Variants in ABCB7 observed in about 807,000 individuals in gnomAD.
ABCB7 encodes iron-sulfur clusters transporter ABCB7, mitochondrial.
In ABCB7, 7 loss-of-function variants were observed where a neutral mutation model predicts 54.4. The observed-to-expected ratio is 0.13, with a 90% CI of 0.07 to 0.24. ABCB7 has a LOEUF of 0.24. Ranked by LOEUF, ABCB7 falls within the 10% of genes least tolerant of loss-of-function variation. The pLI is 1.00. For missense variants in ABCB7, 356 were observed against 570.4 expected, an observed-to-expected ratio of 0.62 and a Z score of 3.83; for synonymous variants, 218 against 207.1, an observed-to-expected ratio of 1.05 and a Z score of -0.45.
At chrX:75,067,743 C>T (rs941921638) in intron 12 of ABCB7, among the ~76,000 whole-genome samples, 3 of 110,854 alleles carry the variant, frequency 2.7e-5, no homozygotes, top group African/African-American at 9.9e-5. Flanking sequence ...CCTTGGCCTC[C>T]CAAAGTGCTG....
At chrX:75,090,143 T>A (rs747894129) in intron 4 of ABCB7, among the ~76,000 whole-genome samples, 58 of 109,636 alleles carry the variant, frequency 5.3e-4, no homozygotes, top group Admixed American at 1.9e-3. Flanking sequence ...AATAGATGCA[T>A]CCTCTATTAT....
chrX:75,152,629 C>A (rs2082139967), intron 1 of ABCB7, among the ~76,000 whole-genome samples: 1 of 111,330 alleles, frequency 9.0e-6, no homozygotes, highest in African/African-American at 3.3e-5. Context: ...TTAGGCATCA[C>A]TGAACTACAA....
chrX:75,080,792 T>C (rs2081449332), intron 4 of ABCB7, among the ~76,000 whole-genome samples: 1 of 112,281 alleles, frequency 8.9e-6, no homozygotes, highest in South Asian at 3.7e-4. Flanking sequence ...TGGTGAAATA[T>C]CTGTTCATGT....
At chrX:75,070,759 TTAAG>T (rs920175489) in intron 9 of ABCB7, among the ~76,000 whole-genome samples, 1 of 110,878 alleles carries the variant, frequency 9.0e-6, no homozygotes, top group African/African-American at 3.3e-5. Flanking sequence ...AAAGAATGGT[TTAAG>T]TGAGGATAGA....
At chrX:75,076,686 T>G in intron 4 of ABCB7, 32 bp from the exon 5 acceptor site, 2 of 1,169,943 alleles carry the variant, frequency 1.7e-6, no homozygotes, top group South Asian at 1.8e-5. Context: ...TTACCCATTA[T>G]ACACAAAATA....
At chrX:75,122,449 G>T (rs1379891056) in intron 1 of ABCB7, among the ~76,000 whole-genome samples, 2 of 112,345 alleles carry the variant, frequency 1.8e-5, no homozygotes, top group Non-Finnish European at 3.8e-5. Flanking sequence ...CCCCGCCTAT[G>T]GAATAGCCAT....
intron 15 of ABCB7, among the ~76,000 whole-genome samples, chrX:75,056,547 A>C (rs1191712237): frequency 9.0e-6 from 1 of 111,682 alleles, no homozygotes; most frequent in African/African-American, 3.3e-5. Context: ...GGAATCAACT[A>C]CTTCTCCAAA....
At chrX:75,085,585 A>G (rs1220101152) in intron 4 of ABCB7, among the ~76,000 whole-genome samples, 2 of 111,164 alleles carry the variant, frequency 1.8e-5, no homozygotes, top group Admixed American at 9.6e-5. Flanking sequence ...AGTGCACTCC[A>G]TTGAATGTAC....
In ABCB7 at chrX:75,156,198, C is replaced by T. The variant is rs1193660319; in HGVS notation, c.75G>A (p.Ala25=). ...CAGAGACTAAAGGCCGGATCAGAATCGCGGAGTGCCGGCGCTTTTCGAAAG... is the reference window on the plus strand; with the variant it reads ...CAGAGACTAAAGGCCGGATCAGAATTGCGGAGTGCCGGCGCTTTTCGAAAG... ...AAAFEKRRHS[A]ILIRPLVSVS... The change falls in exon 1 of 16, where the codon GCG becomes GCA. Residue 25 remains alanine (A), a synonymous_variant. Transcript: ENST00000373394. 1.7e-6 allele frequency: 2 copies of T among 1,203,298 alleles called. No homozygotes were observed. The highest frequency in any genetic ancestry group is 2.2e-6 in the Non-Finnish European group (2 of 891,883).
intron 4 of ABCB7, among the ~76,000 whole-genome samples, chrX:75,077,490 T>C (rs1436844802): frequency 1.8e-5 from 2 of 112,494 alleles, no homozygotes; most frequent in Non-Finnish European, 3.8e-5. Flanking sequence ...AGAAAGTTTG[T>C]CAGACTCCCA....
Position 75,061,864 on chromosome X carries a change from G to A in ABCB7, c.1935+464C>T, listed in dbSNP as rs759708227. Reference sequence around the variant, plus strand: ...AATACAAATTGATACCAGCACTGCAGGTTGTGTGTGCCTGACTTGCATCTC... The same window carrying A: ...AATACAAATTGATACCAGCACTGCAAGTTGTGTGTGCCTGACTTGCATCTC... On this transcript the variant is annotated intron_variant, in intron 14 of 15. Coordinates refer to ENST00000373394, the MANE Select transcript of ABCB7 (RefSeq NM_001271696.3). Among the ~76,000 whole-genome samples the A allele has an allele frequency of 3.6e-5, 4 of 112,359 alleles. No homozygotes were observed. In the South Asian group the frequency reaches 1.5e-3, roughly 42 times the overall value.
chrX:75,112,928 A>G lies in ABCB7; in HGVS notation c.291T>C (p.His97=). 1 of 1,211,138 alleles carries G rather than the reference A, an allele frequency of 8.3e-7. No homozygotes were observed. The highest frequency in any genetic ancestry group is 1.1e-6 in the Non-Finnish European group (1 of 895,161). The part of the protein sequence containing the change: ...WPLIEKRTCW[H]GHAGGGLHTD... ...TGTGGAGTCCTCCTCCTGCATGACC[A>G]TGCCAACATGTCCTCTTTTCTATCA... is the stretch of plus-strand genomic sequence containing the variant. The change falls in exon 3 of 16, where the codon CAT becomes CAC. Residue 97 remains histidine, a synonymous_variant. Coordinates refer to ENST00000373394, the MANE Select transcript of ABCB7 (RefSeq NM_001271696.3).
At chrX:75,087,092 T>C (rs1346694893) in intron 4 of ABCB7, among the ~76,000 whole-genome samples, 1 of 111,764 alleles carries the variant, frequency 8.9e-6, no homozygotes, top group African/African-American at 3.3e-5. Context: ...GGAATAGCCA[T>C]ATAGCTAGCC....
chrX:75,095,690 G>A (rs2081584769), intron 4 of ABCB7, among the ~76,000 whole-genome samples: 1 of 112,144 alleles, frequency 8.9e-6, no homozygotes, highest in African/African-American at 3.2e-5. Flanking sequence ...TCCTTCTCCT[G>A]ATTCAAAAGA....
chrX:75,098,290 C>T (rs2081608839), intron 4 of ABCB7, among the ~76,000 whole-genome samples: 1 of 100,576 alleles, frequency 9.9e-6, no homozygotes, highest in Non-Finnish European at 2.0e-5. Context: ...GTCTGGGCAA[C>T]AGAGTGAGAC....
chrX:75,104,042 T>C (rs974222413), intron 3 of ABCB7, among the ~76,000 whole-genome samples: 18 of 92,671 alleles, frequency 1.9e-4, no homozygotes, highest in African/African-American at 6.9e-4. Flanking sequence ...CCCTGTCTTG[T>C]TACAGTTTTT....
intron 1 of ABCB7, among the ~76,000 whole-genome samples, chrX:75,123,934 C>CT (rs984411083): frequency 8.9e-6 from 1 of 112,097 alleles, no homozygotes; most frequent in Non-Finnish European, 1.9e-5. Flanking sequence ...TCCAATAAAA[C>CT]TTTATGTATG....
At chrX:75,112,031 A>C (rs2081765350) in intron 3 of ABCB7, among the ~76,000 whole-genome samples, 1 of 112,423 alleles carries the variant, frequency 8.9e-6, no homozygotes, top group South Asian at 3.7e-4. Flanking sequence ...AAAATGGGAC[A>C]GAAACATGAA....
chrX:75,065,572 T>C (rs1485598878), intron 12 of ABCB7, among the ~76,000 whole-genome samples: 1 of 112,013 alleles, frequency 8.9e-6, no homozygotes, highest in African/African-American at 3.2e-5. Flanking sequence ...TCCATGTCAA[T>C]AACAGAAAAC....
Sources: gnomAD v4.1 joint callset for allele counts (sites outside exome capture counted in the v4.1 genomes callset) on GRCh38, gnomAD v4.1.1 for gene constraint, MANE v1.5 for transcripts, NCBI Gene and HGNC (gene_info 2026-07-23, HGNC 2026-07-21) for gene names.